C8orf89: variants seen among roughly 807,000 people sequenced by gnomAD.
C8orf89 encodes the protein putative uncharacterized protein C8orf89.
Under a neutral mutation model 15.8 loss-of-function variants are expected in C8orf89, and 14 were observed. That is an observed-to-expected ratio of 0.89 (90% CI 0.59 to 1.39). The LOEUF is 1.39. Among genes scored for constraint, C8orf89 ranks in the 40% most tolerant of loss-of-function variants. The probability of loss-of-function intolerance (pLI) is 0.00; values close to 1 mark genes in which losing one functional copy is unlikely to be tolerated. For synonymous variants in C8orf89, 55 were observed against 62.2 expected, an observed-to-expected ratio of 0.88 and a Z score of 0.54; for missense variants, 181 against 184.5, an observed-to-expected ratio of 0.98 and a Z score of 0.11.
intron 1 of C8orf89, among the ~76,000 whole-genome samples, chr8:73,257,957 G>T (rs973263863): frequency 6.6e-6 from 1 of 152,056 alleles, no homozygotes; most frequent in Non-Finnish European, 1.5e-5. Flanking sequence ...AAAGCATATA[G>T]ACTCTTTTTT....
Position 73,250,270 on chromosome 8 carries a change from T to A in C8orf89, c.335A>T (p.Lys112Ile). Residue 112 changes from lysine (K) to isoleucine (I), a missense_variant and splice_region_variant, in exon 3 of 4, where the codon AAA becomes ATA. By Grantham distance (102) the Lys-to-Ile change is moderately radical (BLOSUM62 -3). Coordinates refer to ENST00000624510, the MANE Select transcript of C8orf89 (RefSeq NM_001243237.3). ...GAAAAAAGGACGAGTCAGCTTACCT[T>A]TTGATTTCTCCCAAAGTGGTGCCAC... ...CSVAPLWEKS[K>I]GSGFSDPLTG... is the part of the protein sequence containing the mutation. 5 of 1,532,598 alleles carry A rather than the reference T, an allele frequency of 3.3e-6. No individual in the cohort carries two copies. The highest frequency in any genetic ancestry group is 4.4e-6 in the Non-Finnish European group (5 of 1,144,276). The allele number at this position is 1,532,598 out of a possible 1,614,324, so 94.9% of individuals were successfully genotyped here.
At chr8:73,259,948 T>C (rs1813492169), upstream of C8orf89, among the ~76,000 whole-genome samples, 1 of 152,176 alleles carries the variant, frequency 6.6e-6, no homozygotes, top group Non-Finnish European at 1.5e-5. Context: ...TGAGAAACCC[T>C]GAGGAGTCCC....
the C8orf89 span, among the ~76,000 whole-genome samples, chr8:73,283,931 T>C: frequency 6.6e-6 from 1 of 151,724 alleles, no homozygotes; most frequent in South Asian, 2.1e-4. Context: ...TAATCCCAGC[T>C]ACTTGGGAGG....
At chr8:73,277,125 C>T in the C8orf89 span, among the ~76,000 whole-genome samples, 2 of 152,234 alleles carry the variant, frequency 1.3e-5, no homozygotes, top group East Asian at 3.9e-4. Flanking sequence ...AATTTTAAGC[C>T]TCAAATCTTC....
chr8:73,264,941 C>T, the C8orf89 span, among the ~76,000 whole-genome samples: 2 of 152,194 alleles, frequency 1.3e-5, no homozygotes, highest in Admixed American at 1.3e-4. Context: ...TATAGGTAGA[C>T]AAGCTCTGTG....
At chr8:73,269,453 C>A in the C8orf89 span, among the ~76,000 whole-genome samples, 14 of 152,148 alleles carry the variant, frequency 9.2e-5, no homozygotes, top group Non-Finnish European at 1.8e-4. Flanking sequence ...AGAATTTTTC[C>A]AAACCTAATA....
At chr8:73,258,969 T>G (rs1444348522) in intron 1 of C8orf89, among the ~76,000 whole-genome samples, 1 of 152,140 alleles carries the variant, frequency 6.6e-6, no homozygotes, top group Non-Finnish European at 1.5e-5. Flanking sequence ...CTGTTAAAGA[T>G]TTGGATGTCT....
chr8:73,271,813 G>GA, the C8orf89 span, among the ~76,000 whole-genome samples: 1 of 152,054 alleles, frequency 6.6e-6, no homozygotes, highest in Non-Finnish European at 1.5e-5. Flanking sequence ...CATGAGGGGG[G>GA]AAACCACTCC....
At chr8:73,273,342 C>T in the C8orf89 span, among the ~76,000 whole-genome samples, 1 of 152,242 alleles carries the variant, frequency 6.6e-6, no homozygotes, top group African/African-American at 2.4e-5. Flanking sequence ...CTTCCCCTGC[C>T]TGGCCTCTCC....
At chr8:73,257,311 G>T (rs1813416858) in intron 1 of C8orf89, among the ~76,000 whole-genome samples, 185 bp from the exon 2 acceptor site, 1 of 152,154 alleles carries the variant, frequency 6.6e-6, no homozygotes, top group Non-Finnish European at 1.5e-5. Context: ...ACTGCAGGAA[G>T]GAGTAGATTA....
intron 2 of C8orf89, among the ~76,000 whole-genome samples, chr8:73,254,244 T>G (rs993474169): frequency 2.0e-5 from 3 of 152,138 alleles, no homozygotes; most frequent in Admixed American, 2.0e-4. Flanking sequence ...TTTATTGATT[T>G]GCATATATTG....
the C8orf89 span, among the ~76,000 whole-genome samples, chr8:73,276,609 G>T: frequency 1.3e-5 from 2 of 152,002 alleles, no homozygotes; most frequent in Non-Finnish European, 2.9e-5. Context: ...CTATCCCAGA[G>T]CATGACCATT....
In C8orf89 at chr8:73,253,742, T is replaced by C. The variant is rs187450395; in HGVS notation, c.281+3231A>G. On this transcript the variant is annotated intron_variant, in intron 2 of 3. Coordinates refer to ENST00000624510, the MANE Select transcript of C8orf89 (RefSeq NM_001243237.3). ...TCATGATTTGGCTCTCTGTCTGTTA[T>C]TGGTGTATAAGAATGCTTGTGATTT... Among the ~76,000 whole-genome samples, 130 of 149,066 alleles carry C rather than the reference T, an allele frequency of 8.7e-4. No homozygotes were observed. In the East Asian group the frequency reaches 0.022, roughly 25 times the overall value.
the C8orf89 span, among the ~76,000 whole-genome samples, chr8:73,266,174 A>G: frequency 1.7e-4 from 26 of 152,380 alleles, no homozygotes; most frequent in South Asian, 3.5e-3. Flanking sequence ...AACAGAAAAG[A>G]AATTGATAAA....
chr8:73,285,901 G>GCCCGGCCGGCGTCT, the C8orf89 span, among the ~76,000 whole-genome samples: 73 of 152,032 alleles, frequency 4.8e-4, 1 homozygote, highest in African/African-American at 1.6e-3. Context: ...GCTGGGCCCG[G>GCCCGGCCGGCGTCT]CCCGGCCGGC....
chr8:73,245,396 T>C (rs948509355), intron 3 of C8orf89, among the ~76,000 whole-genome samples: 2 of 152,220 alleles, frequency 1.3e-5, no homozygotes, highest in African/African-American at 4.8e-5. Flanking sequence ...GAGAGGTTTA[T>C]ACCCTAAAAT....
At chr8:73,260,181 T>C (rs1256610896), upstream of C8orf89, among the ~76,000 whole-genome samples, 2 of 152,192 alleles carry the variant, frequency 1.3e-5, no homozygotes, top group African/African-American at 4.8e-5. Flanking sequence ...AGAAACATGC[T>C]AAGCAAAACA....
the C8orf89 span, among the ~76,000 whole-genome samples, chr8:73,264,645 C>A: frequency 1.3e-5 from 2 of 152,162 alleles, no homozygotes; most frequent in African/African-American, 4.8e-5. Context: ...TGCCCACCAC[C>A]ACACCCAGCT....
intron 2 of C8orf89, among the ~76,000 whole-genome samples, 165 bp from the exon 3 acceptor site, chr8:73,250,488 CT>C (rs888501229): frequency 6.6e-6 from 1 of 152,188 alleles, no homozygotes; most frequent in African/African-American, 2.4e-5. Flanking sequence ...AGCCCAACAT[CT>C]TGCTAGCAAA....
Sources: allele counts gnomAD v4.1 joint callset (sites outside exome capture counted in the v4.1 genomes callset), GRCh38; gene constraint gnomAD v4.1.1; transcripts MANE v1.5; gene names NCBI Gene and HGNC (gene_info 2026-07-23, HGNC 2026-07-21).